Variants in SYNPO2 observed in about 807,000 individuals in gnomAD.
SYNPO2 encodes the protein synaptopodin 2, also known as synaptopodin-2.
SYNPO2 carries 56 observed loss-of-function variants against 85.0 expected under a neutral mutation model. The observed-to-expected ratio is 0.66, with a 90% CI of 0.53 to 0.82. The LOEUF is 0.82. Ranked by LOEUF, SYNPO2 falls within the 40% of genes least tolerant of loss-of-function variation. The pLI, the probability that SYNPO2 is intolerant of heterozygous loss-of-function variation, is 0.00. For missense variants in SYNPO2, 1,575 were observed against 1,534.2 expected (o/e 1.03, Z -0.44); for synonymous variants, 602 against 591.1 (o/e 1.02, Z -0.27).
At chr4:118,915,345 T>C (rs1460127914) in intron 1 of SYNPO2, among the ~76,000 whole-genome samples, 1 of 152,190 alleles carries the variant, frequency 6.6e-6, no homozygotes, top group Non-Finnish European at 1.5e-5. Context: ...TTCCATTACT[T>C]ACCTTTCTTT....
chr4:118,895,669 T>G (rs1732528940), intron 1 of SYNPO2, among the ~76,000 whole-genome samples: 2 of 152,174 alleles, frequency 1.3e-5, no homozygotes, highest in African/African-American at 4.8e-5. Flanking sequence ...GGCAAGATGG[T>G]TCAAATCTAG....
At chr4:118,970,217 C>T (rs1735485914) in intron 1 of SYNPO2, among the ~76,000 whole-genome samples, 1 of 152,136 alleles carries the variant, frequency 6.6e-6, no homozygotes, top group Admixed American at 6.5e-5. Flanking sequence ...CTGTCAAATG[C>T]CTACCATGTA....
At chr4:118,995,882 CTAT>C (rs1458041335) in intron 1 of SYNPO2, among the ~76,000 whole-genome samples, 238 of 151,286 alleles carry the variant, frequency 1.6e-3, no homozygotes, top group African/African-American at 5.7e-3. Context: ...ATCTATCTAT[CTAT>C]CTATCTATCT....
intron 1 of SYNPO2, among the ~76,000 whole-genome samples, chr4:118,881,559 G>T (rs1316137250): frequency 1.3e-5 from 2 of 152,190 alleles, no homozygotes; most frequent in Non-Finnish European, 2.9e-5. Context: ...TGCCCCGAGG[G>T]GGAGCAAGGC....
At chr4:119,016,011 T>G (rs1380160) in intron 1 of SYNPO2, among the ~76,000 whole-genome samples, 1 of 152,108 alleles carries the variant, frequency 6.6e-6, no homozygotes, top group Non-Finnish European at 1.5e-5. Context: ...TAAATAGAAT[T>G]GTATAAAATT....
chr4:118,886,953 G>C (rs1327583420), upstream of SYNPO2, among the ~76,000 whole-genome samples: 1 of 152,084 alleles, frequency 6.6e-6, no homozygotes, highest in East Asian at 1.9e-4. Flanking sequence ...TGTACCACAG[G>C]TCCTTGAATA....
At chr4:119,010,381 A>G (rs559848019) in intron 1 of SYNPO2, among the ~76,000 whole-genome samples, 1 of 152,192 alleles carries the variant, frequency 6.6e-6, no homozygotes, top group Admixed American at 6.5e-5. Context: ...GCGGCAAGAG[A>G]AAATGAGGAA....
chr4:118,912,898 A>G (rs1733188647), intron 1 of SYNPO2, among the ~76,000 whole-genome samples: 1 of 152,200 alleles, frequency 6.6e-6, no homozygotes, highest in Admixed American at 6.5e-5. Flanking sequence ...TTTTGTTTGT[A>G]GCTTCAACTT....
chr4:119,007,244 A>G (rs13133344), intron 1 of SYNPO2, among the ~76,000 whole-genome samples: 1 of 35,758 alleles, frequency 2.8e-5, no homozygotes, highest in African/African-American at 1.1e-4. Flanking sequence ...ATATATATAT[A>G]TGTATATACA....
intron 1 of SYNPO2, among the ~76,000 whole-genome samples, chr4:118,883,722 T>C (rs1334881518): frequency 6.6e-6 from 1 of 151,924 alleles, no homozygotes; most frequent in African/African-American, 2.4e-5. Flanking sequence ...TCTTTTTTTT[T>C]TCTCTTGCTT....
intron 1 of SYNPO2, among the ~76,000 whole-genome samples, chr4:118,933,890 A>G (rs2149134437): frequency 8.2e-6 from 1 of 122,436 alleles, no homozygotes; most frequent in African/African-American, 3.0e-5. Flanking sequence ...GAGTTTATAC[A>G]TGTAGGATGA....
intron 4 of SYNPO2, among the ~76,000 whole-genome samples, chr4:119,054,657 A>G (rs1165954947): frequency 6.6e-6 from 1 of 152,038 alleles, no homozygotes; most frequent in African/African-American, 2.4e-5. Context: ...TGGGGTCTTT[A>G]TAATAGGCAC....
intron 4 of SYNPO2, among the ~76,000 whole-genome samples, chr4:119,039,052 A>G (rs1444088725): frequency 6.6e-6 from 1 of 152,198 alleles, no homozygotes; most frequent in African/African-American, 2.4e-5. Context: ...AACTCATTAC[A>G]TTTGCAGAGC....
chr4:118,976,473 G>A (rs928986798), intron 1 of SYNPO2, among the ~76,000 whole-genome samples: 2 of 152,172 alleles, frequency 1.3e-5, no homozygotes, highest in African/African-American at 2.4e-5. Flanking sequence ...GGACCCTAGC[G>A]GGTTGCCAAT....
chr4:119,034,921 G>C (rs11098472), intron 4 of SYNPO2: 215,853 of 985,310 alleles, frequency 0.22, 24,577 homozygotes, highest in East Asian at 0.44. Flanking sequence ...TGATTGGTTG[G>C]TCCGCTGGTT....
At chr4:118,879,196 G>C (rs115020901) in intron 1 of SYNPO2, among the ~76,000 whole-genome samples, 2,804 of 152,214 alleles carry the variant, frequency 0.018, 80 homozygotes, top group African/African-American at 0.065. Flanking sequence ...CTTTAAGAAC[G>C]GTAACACTCA....
At chr4:119,041,321 G>T (rs1738709492) in intron 4 of SYNPO2, among the ~76,000 whole-genome samples, 1 of 152,122 alleles carries the variant, frequency 6.6e-6, no homozygotes, top group Non-Finnish European at 1.5e-5. Flanking sequence ...AAACCCCTTT[G>T]TTCTTTTTTC....
At chr4:118,962,065 C>T (rs1010017068) in intron 1 of SYNPO2, among the ~76,000 whole-genome samples, 3 of 152,144 alleles carry the variant, frequency 2.0e-5, no homozygotes, top group Non-Finnish European at 2.9e-5. Flanking sequence ...CGCTTTTGCT[C>T]CCTTTCATCA....
intron 1 of SYNPO2, among the ~76,000 whole-genome samples, chr4:118,922,699 G>T (rs1733581480): frequency 6.7e-6 from 1 of 148,456 alleles, no homozygotes; most frequent in African/African-American, 2.5e-5. Flanking sequence ...TTTTTTAGAA[G>T]ATCAACTGGC....
Sources: allele counts gnomAD v4.1 joint callset (sites outside exome capture counted in the v4.1 genomes callset), GRCh38; gene constraint gnomAD v4.1.1; transcripts MANE v1.5; gene names NCBI Gene and HGNC (gene_info 2026-07-23, HGNC 2026-07-21).